CPNE5: variants seen among roughly 807,000 people sequenced by gnomAD.
CPNE5 encodes copine-5.
CPNE5 carries 42 observed loss-of-function variants against 81.1 expected under a neutral mutation model. That is an observed-to-expected ratio of 0.52 (90% CI 0.40 to 0.67). The LOEUF is 0.67. Ranked by LOEUF, CPNE5 falls within the 30% of genes least tolerant of loss-of-function variation. CPNE5 has a pLI of 0.00. For synonymous variants in CPNE5, 313 were observed against 321.5 expected (o/e 0.97, Z 0.28); for missense variants, 612 against 815.5 (o/e 0.75, Z 3.04).
chr6:36,814,574 C>T (rs1444713370), intron 3 of CPNE5, among the ~76,000 whole-genome samples: 5 of 152,082 alleles, frequency 3.3e-5, no homozygotes, highest in East Asian at 1.9e-4. Context: ...TAGATAGTGT[C>T]GCTAGATGTG....
chr6:36,811,870 GA>G (rs1247709694), intron 3 of CPNE5, among the ~76,000 whole-genome samples: 3 of 152,084 alleles, frequency 2.0e-5, no homozygotes, highest in Admixed American at 6.5e-5. Context: ...TTGGGAGGCC[GA>G]GGTGGGCGGA....
chr6:36,767,137 T>A (rs1347697117), intron 10 of CPNE5, among the ~76,000 whole-genome samples: 1 of 152,230 alleles, frequency 6.6e-6, no homozygotes, highest in African/African-American at 2.4e-5. Context: ...ATTAGAGGCA[T>A]GAGCCACGGC....
intron 8 of CPNE5, among the ~76,000 whole-genome samples, chr6:36,791,734 G>A (rs1305976588): frequency 3.3e-5 from 5 of 152,220 alleles, no homozygotes; most frequent in African/African-American, 4.8e-5. Flanking sequence ...TCAAGGACAC[G>A]TGAGTGGTGG....
chr6:36,783,397 AAAG>A (rs1768227846), intron 8 of CPNE5, among the ~76,000 whole-genome samples: 1 of 149,468 alleles, frequency 6.7e-6, no homozygotes, highest in Non-Finnish European at 1.5e-5. Context: ...AAAAAAAAAA[AAAG>A]GTTCTACCTA....
chr6:36,779,936 T>C (rs1767877925), intron 8 of CPNE5, among the ~76,000 whole-genome samples: 1 of 150,618 alleles, frequency 6.6e-6, no homozygotes, highest in Non-Finnish European at 1.5e-5. Context: ...GCTCTTGGGG[T>C]CACTCCGCTC....
At chr6:36,814,235 C>T (rs1055922731) in intron 3 of CPNE5, among the ~76,000 whole-genome samples, 19 of 152,108 alleles carry the variant, frequency 1.2e-4, no homozygotes, top group African/African-American at 4.1e-4. Flanking sequence ...AGTGGAGGAA[C>T]GCAGTACTCC....
intron 3 of CPNE5, among the ~76,000 whole-genome samples, chr6:36,801,449 T>C (rs1770091276): frequency 6.6e-6 from 1 of 152,078 alleles, no homozygotes; most frequent in Admixed American, 6.6e-5. Context: ...CCATAGGCCA[T>C]AGAGGAGGGC....
intron 13 of CPNE5, among the ~76,000 whole-genome samples, chr6:36,753,655 C>A (rs1765084158): frequency 6.6e-6 from 1 of 152,218 alleles, no homozygotes; most frequent in Non-Finnish European, 1.5e-5. Flanking sequence ...CAAGATCCTG[C>A]CTCATAAGTA....
intron 8 of CPNE5, among the ~76,000 whole-genome samples, chr6:36,782,816 A>C (rs1363438356): frequency 7.9e-6 from 1 of 126,230 alleles, no homozygotes; most frequent in Non-Finnish European, 1.6e-5. Flanking sequence ...CAAAAACCAA[A>C]ACACACACAC....
intron 4 of CPNE5, among the ~76,000 whole-genome samples, chr6:36,798,701 G>A (rs1382295535): frequency 6.6e-6 from 1 of 152,120 alleles, no homozygotes; most frequent in Non-Finnish European, 1.5e-5. Flanking sequence ...ACATCAGAGG[G>A]GTGGAAACGG....
chr6:36,834,783 G>A (rs1020495915), intron 1 of CPNE5, among the ~76,000 whole-genome samples: 1 of 152,140 alleles, frequency 6.6e-6, no homozygotes, highest in Admixed American at 6.6e-5. Flanking sequence ...ACTGACCTGA[G>A]TACCTTAGTG....
intron 8 of CPNE5, among the ~76,000 whole-genome samples, chr6:36,790,846 A>C (rs556189954): frequency 6.6e-6 from 1 of 152,252 alleles, no homozygotes; most frequent in East Asian, 1.9e-4. Context: ...CCCGGCCCCA[A>C]AAAAAATGCG....
chr6:36,771,681 T>A (rs1470217091), intron 10 of CPNE5, among the ~76,000 whole-genome samples: 1 of 152,044 alleles, frequency 6.6e-6, no homozygotes, highest in Non-Finnish European at 1.5e-5. Flanking sequence ...TTAAATCAAC[T>A]ACGTTCTGTG....
intron 3 of CPNE5, among the ~76,000 whole-genome samples, chr6:36,819,598 CAGA>C (rs1329075586): frequency 6.6e-6 from 1 of 152,204 alleles, no homozygotes; most frequent in Non-Finnish European, 1.5e-5. Context: ...AAGTGTCACT[CAGA>C]CTTGATTTCA....
At chr6:36,787,561 T>C (rs2150494633) in intron 8 of CPNE5, among the ~76,000 whole-genome samples, 1 of 152,292 alleles carries the variant, frequency 6.6e-6, no homozygotes, top group Admixed American at 6.5e-5. Flanking sequence ...GAAGAGGCGC[T>C]GGATCTGCCA....
At chr6:36,834,051 T>A (rs1223581338) in intron 1 of CPNE5, among the ~76,000 whole-genome samples, 1 of 151,352 alleles carries the variant, frequency 6.6e-6, no homozygotes, top group Non-Finnish European at 1.5e-5. Flanking sequence ...CAACCGAGTA[T>A]GACCTCACCT....
intron 10 of CPNE5, among the ~76,000 whole-genome samples, chr6:36,768,376 C>A (rs550067154): frequency 1.1e-4 from 17 of 151,840 alleles, no homozygotes; most frequent in South Asian, 2.1e-4. Context: ...GGATTACAGG[C>A]GCATGCCATC....
intron 1 of CPNE5, among the ~76,000 whole-genome samples, chr6:36,834,905 C>T (rs1046728618): frequency 4.6e-5 from 7 of 152,106 alleles, no homozygotes; most frequent in East Asian, 1.9e-4. Context: ...CAGAAGAAAG[C>T]GCTCAGAGCT....
chr6:36,837,139 T>G lies in CPNE5; in HGVS notation c.95+2144A>C, dbSNP rs147651342. ...TTCCGGTGATCATTGTAGCTACTTA[T>G]TGAGCACCTACTGTGTGCCAAGCAA... On this transcript the variant is annotated intron_variant, in intron 1 of 20. Coordinates refer to ENST00000244751, the MANE Select transcript of CPNE5 (RefSeq NM_020939.2). Among the ~76,000 whole-genome samples the G allele has an allele frequency of 1.8e-4, 28 of 152,378 alleles. No homozygotes were observed. The East Asian group carries it at 5.2e-3, about 28-fold the overall frequency.
Sources: gnomAD v4.1 joint callset for allele counts (sites outside exome capture counted in the v4.1 genomes callset) on GRCh38, gnomAD v4.1.1 for gene constraint, MANE v1.5 for transcripts, NCBI Gene and HGNC (gene_info 2026-07-23, HGNC 2026-07-21) for gene names.